The following PTPRT variants were observed in gnomAD, a reference collection of about 807,000 sequenced individuals.
The protein encoded by PTPRT is protein tyrosine phosphatase receptor type T, also known as receptor-type tyrosine-protein phosphatase T.
In PTPRT, 56 loss-of-function variants were observed where a neutral mutation model predicts 176.8. The ratio of observed to expected loss-of-function variants is 0.32; its 90% CI spans 0.26 to 0.40. The LOEUF is 0.40. Among genes scored for constraint, PTPRT ranks in the 10% least tolerant of loss-of-function variants. The pLI is 1.00. For missense variants in PTPRT, 1,540 were observed against 1,908.2 expected (o/e 0.81, Z 3.60); for synonymous variants, 783 against 739.0 (o/e 1.06, Z -0.96).
intron 9 of PTPRT, among the ~76,000 whole-genome samples, chr20:42,406,537 C>T (rs1352158679): frequency 2.6e-5 from 4 of 151,544 alleles, no homozygotes; most frequent in Non-Finnish European, 5.9e-5. Flanking sequence ...GGTCTAGATC[C>T]TTTTTTTTCC....
intron 1 of PTPRT, among the ~76,000 whole-genome samples, chr20:42,938,874 G>A (rs1474125489): frequency 6.6e-6 from 1 of 152,160 alleles, no homozygotes; most frequent in Admixed American, 6.5e-5. Flanking sequence ...AGGAAGGAAA[G>A]AAAAGAAACC....
intron 9 of PTPRT, among the ~76,000 whole-genome samples, chr20:42,354,477 C>T (rs1368383967): frequency 6.6e-6 from 1 of 152,182 alleles, no homozygotes; most frequent in Non-Finnish European, 1.5e-5. Flanking sequence ...ATATTCTATA[C>T]CACATTGCCT....
the PTPRT span, among the ~76,000 whole-genome samples, chr20:42,054,682 G>C: frequency 1.3e-5 from 2 of 152,122 alleles, no homozygotes; most frequent in East Asian, 3.9e-4. Flanking sequence ...TTCCATTCCA[G>C]CTCCCCAGTT....
At chr20:42,681,404 C>G (rs1178771622) in intron 6 of PTPRT, among the ~76,000 whole-genome samples, 1 of 152,100 alleles carries the variant, frequency 6.6e-6, no homozygotes, top group Non-Finnish European at 1.5e-5. Flanking sequence ...AGTTTTGAAG[C>G]CTGTGAAAGG....
At chr20:42,356,942 C>T (rs1362617958) in intron 9 of PTPRT, among the ~76,000 whole-genome samples, 3 of 152,114 alleles carry the variant, frequency 2.0e-5, no homozygotes, top group Non-Finnish European at 4.4e-5. Context: ...TCCCATGCCT[C>T]CTTGTTGCCT....
intron 7 of PTPRT, among the ~76,000 whole-genome samples, chr20:42,602,846 G>T (rs889793806): frequency 6.6e-6 from 1 of 151,950 alleles, no homozygotes; most frequent in African/African-American, 2.4e-5. Context: ...TGGGCAAATT[G>T]AATAACCTCT....
intron 9 of PTPRT, among the ~76,000 whole-genome samples, chr20:42,389,729 C>T (rs1050354838): frequency 6.6e-6 from 1 of 151,698 alleles, no homozygotes; most frequent in African/African-American, 2.4e-5. Flanking sequence ...GTGGTACATG[C>T]TTGTAGTCCC....
intron 2 of PTPRT, among the ~76,000 whole-genome samples, chr20:42,814,751 T>A (rs1022006874): frequency 7.2e-5 from 11 of 152,272 alleles, no homozygotes; most frequent in Non-Finnish European, 1.6e-4. Flanking sequence ...TCCTTGCAAA[T>A]AAACTTCATG....
At chr20:42,819,966 T>C (rs867975997) in intron 2 of PTPRT, among the ~76,000 whole-genome samples, 1 of 152,038 alleles carries the variant, frequency 6.6e-6, no homozygotes, top group Non-Finnish European at 1.5e-5. Context: ...CACAATAATA[T>C]TGGGAGACTT....
At chr20:43,139,640 G>C (rs2013940489) in intron 1 of PTPRT, among the ~76,000 whole-genome samples, 1 of 152,188 alleles carries the variant, frequency 6.6e-6, no homozygotes, top group Admixed American at 6.5e-5. Flanking sequence ...CCAGACACTG[G>C]GCTATTGATT....
At chr20:42,057,494 A>T in the PTPRT span, among the ~76,000 whole-genome samples, 2 of 152,088 alleles carry the variant, frequency 1.3e-5, no homozygotes, top group Admixed American at 1.3e-4. Flanking sequence ...TCCTTCTGAG[A>T]GGTTTGATTA....
In PTPRT at chr20:42,882,702, C is replaced by G. The variant is rs146270241; in HGVS notation, c.214+3105G>C. 5.7e-3 allele frequency among the ~76,000 whole-genome samples: 869 copies of G among 152,302 alleles called. 5 individuals carry two copies. The highest frequency in any genetic ancestry group is 0.02 in the Middle Eastern group (6 of 294). ...GATGTCTGATGTACTGCATTAGGCA[C>G]TGAAGATAAAGTTATGAACAAGATT... On this transcript the variant is annotated intron_variant, in intron 2 of 30. Coordinates refer to ENST00000373187, the MANE Select transcript of PTPRT (RefSeq NM_007050.6).
intron 7 of PTPRT, among the ~76,000 whole-genome samples, chr20:42,572,167 T>A (rs2073167607): frequency 6.6e-6 from 1 of 152,106 alleles, no homozygotes; most frequent in African/African-American, 2.4e-5. Context: ...AAACCTCTTT[T>A]ACATGGGCAC....
intron 1 of PTPRT, among the ~76,000 whole-genome samples, chr20:42,940,605 T>C (rs1422197731): frequency 1.3e-5 from 2 of 152,042 alleles, no homozygotes; most frequent in Non-Finnish European, 2.9e-5. Context: ...ATGTGATGTC[T>C]GCTCTTAGGT....
chr20:42,584,653 G>A (rs1188142937), intron 7 of PTPRT, among the ~76,000 whole-genome samples: 1 of 151,932 alleles, frequency 6.6e-6, no homozygotes, highest in Non-Finnish European at 1.5e-5. Context: ...TATGTTTATT[G>A]TCTATTTAGA....
intron 1 of PTPRT, among the ~76,000 whole-genome samples, chr20:43,137,565 G>A (rs1318053231): frequency 6.6e-6 from 1 of 152,168 alleles, no homozygotes; most frequent in Non-Finnish European, 1.5e-5. Context: ...ACACCCCATG[G>A]AAAACCAACT....
rs1983619057 is a variant in PTPRT at position 42,986,961 on chromosome 20, A to G, written c.89-101029T>C. 6.6e-5 allele frequency among the ~76,000 whole-genome samples: 10 copies of G among 152,240 alleles called. No homozygotes were observed. The South Asian group carries it at 2.1e-3, about 32-fold the overall frequency. ...GTCTTAGAGGCCACATCCCTGCATC[A>G]GGCTAGACCAGGTAGAAACAAACAC... is the stretch of plus-strand genomic sequence containing the variant. On this transcript the variant is annotated intron_variant, in intron 1 of 30. Transcript: ENST00000373187.
chr20:42,176,652 C>T (rs1990304292), intron 16 of PTPRT, among the ~76,000 whole-genome samples: 1 of 152,194 alleles, frequency 6.6e-6, no homozygotes, highest in Non-Finnish European at 1.5e-5. Flanking sequence ...CTCCTATTTT[C>T]TATCTCTCAT....
chr20:42,117,948 G>A lies in PTPRT; in HGVS notation c.2982+455C>T, dbSNP rs537647210. 2.0e-5 allele frequency among the ~76,000 whole-genome samples: 3 copies of A among 152,326 alleles called. No individual in the cohort carries two copies. In the East Asian group the frequency reaches 5.8e-4, roughly 29 times the overall value. ...ATTATTGAGTAGAATCTGTGATCCA[G>A]GCACTATGCTTGCCTTTGGAAGGGC... On this transcript the variant is annotated intron_variant, in intron 21 of 30. Transcript: ENST00000373187.
Sources: gnomAD v4.1 joint callset for allele counts (sites outside exome capture counted in the v4.1 genomes callset) on GRCh38, gnomAD v4.1.1 for gene constraint, MANE v1.5 for transcripts, NCBI Gene and HGNC (gene_info 2026-07-23, HGNC 2026-07-21) for gene names.